Variants in PPIP5K2 observed in about 807,000 individuals in gnomAD.
PPIP5K2 encodes diphosphoinositol pentakisphosphate kinase 2.
In PPIP5K2, 105 loss-of-function variants were observed where a neutral mutation model predicts 154.6. The ratio of observed to expected loss-of-function variants is 0.68; its 90% confidence interval spans 0.58 to 0.80. PPIP5K2 has a LOEUF of 0.80. Among genes scored for constraint, PPIP5K2 ranks in the 30% least tolerant of loss-of-function variants. The pLI is 0.00. For missense variants in PPIP5K2, 992 were observed against 1,504.6 expected (o/e 0.66, Z 5.64); for synonymous variants, 480 against 490.3 (o/e 0.98, Z 0.28).
intron 21 of PPIP5K2, chr5:103,176,793 A>T: frequency 1.1e-6 from 1 of 871,190 alleles, no homozygotes; most frequent in Non-Finnish European, 1.7e-6. Flanking sequence ...AGAATTTTCT[A>T]CTTTGAATGC....
At position 103,139,682 on chromosome 5, in the gene PPIP5K2, A is replaced by T. The variant is rs77364935; in HGVS notation, c.487+1213A>T. 9.5e-3 allele frequency among the ~76,000 whole-genome samples: 1,454 copies of T among 152,312 alleles called. 13 individuals are homozygous for T. The highest frequency in any genetic ancestry group is 0.016 in the Non-Finnish European group (1,097 of 68,016). On this transcript the variant is annotated intron_variant, in intron 5 of 30. Transcript: ENST00000358359. ...AATGTGACCTCACCAAACAAACTAA[A>T]TAAGGTACCAGTTACCAATCCTGGA...
chr5:103,212,325 T>C lies in PPIP5K2; in HGVS notation c.*10691T>C, dbSNP rs1803850326. On this transcript the variant is annotated 3_prime_UTR_variant, in exon 31 of 31. Coordinates refer to ENST00000358359, the MANE Select transcript of PPIP5K2 (RefSeq NM_001276277.3). The stretch of plus-strand genomic sequence containing the variant: ...TGACTCCCGCAATAGGAAACCACAC[T>C]GAAGACATTCTCACAATTTAAAACA... 1 of 152,678 alleles carries C rather than the reference T, an allele frequency of 6.5e-6. No homozygotes were observed. The highest frequency in any genetic ancestry group is 1.5e-5 in the Non-Finnish European group (1 of 68,004). 9.5% of individuals were successfully genotyped at this position (152,678 alleles called of 1,614,324 possible).
At chr5:103,175,011 C>G (rs186676453) in intron 21 of PPIP5K2, among the ~76,000 whole-genome samples, 1 of 152,226 alleles carries the variant, frequency 6.6e-6, no homozygotes, top group African/African-American at 2.4e-5. Context: ...AGAATCTCAT[C>G]TAAATCAGTC....
intron 21 of PPIP5K2, among the ~76,000 whole-genome samples, chr5:103,175,884 A>G (rs1053291206): frequency 6.6e-6 from 1 of 152,110 alleles, no homozygotes; most frequent in Non-Finnish European, 1.5e-5. Context: ...AGGGGGAAAA[A>G]TAATTACATG....
rs147717543 is a variant in PPIP5K2 at position 103,159,214 on chromosome 5, C to T, written c.1806C>T (p.Asn602=). The T allele has an allele frequency of 2.2e-4, 351 of 1,611,030 alleles. No homozygotes were observed. Among genetic ancestry groups the T allele is most frequent in the South Asian group, 6.7e-4 (61 of 90,916 alleles). Residue 602 remains asparagine, a synonymous_variant, in exon 17 of 31, where the codon AAC becomes AAT. Coordinates refer to ENST00000358359, the MANE Select transcript of PPIP5K2 (RefSeq NM_001276277.3). ...LVQMVKSANM[N]GLLDSDSDSL... is the part of the protein sequence containing the mutation. ...AAATGGTGAAAAGTGCAAATATGAA[C>T]GGTCTTTTGGATAGTGATAGTGACT...
chr5:103,155,406 CTTTTTTTTTTTTTTTTT>C (rs70990423), intron 13 of PPIP5K2, among the ~76,000 whole-genome samples: 81 of 21,088 alleles, frequency 3.8e-3, no homozygotes, highest in Non-Finnish European at 8.5e-3. Flanking sequence ...TCAGAGTTGT[CTTTTTTTTTTTTTTTTT>C]TTTTTTTTTT....
At chr5:103,132,545 C>CA (rs1215595686) in intron 2 of PPIP5K2, among the ~76,000 whole-genome samples, 257 of 138,048 alleles carry the variant, frequency 1.9e-3, no homozygotes, top group African/African-American at 5.9e-3. Context: ...GACTTTGTCT[C>CA]AAAAAAAAAA....
At position 103,190,920 on chromosome 5, in the gene PPIP5K2, A is replaced by C; in HGVS notation, c.3431A>C (p.Asp1144Ala). The change falls in exon 29 of 31, where the codon GAT becomes GCT. Residue 1144 changes from aspartate (D) to alanine (A), a missense_variant. Physicochemically the swap from Asp to Ala is moderately radical, Grantham distance 126. Around this residue, in one of 9 missense-constraint regions of PPIP5K2, gnomAD observed 29 missense variants for 56.4 expected, o/e 0.51. Coordinates refer to ENST00000358359, the MANE Select transcript of PPIP5K2 (RefSeq NM_001276277.3). ...LHNALSLKQVDEFLASIASPS... is the reference protein window; with the variant it reads ...LHNALSLKQVAEFLASIASPS... The stretch of plus-strand genomic sequence containing the variant: ...AATGCCCTATCTTTAAAGCAAGTGG[A>C]TGAATTTCTTGCTTCCATTGCTTCT... The C allele has an allele frequency of 6.2e-7, 1 of 1,609,928 alleles. No individual in the cohort carries two copies. Among genetic ancestry groups the C allele is most frequent in the Non-Finnish European group, 8.5e-7 (1 of 1,177,688 alleles).
chr5:103,159,002 TA>T, intron 16 of PPIP5K2, 143 bp from the exon 17 acceptor site: 1 of 630,948 alleles, frequency 1.6e-6, no homozygotes, highest in Non-Finnish European at 2.4e-6. Context: ...AGTAAAACTC[TA>T]AAATGACAAT....
At chr5:103,159,462 T>A in intron 17 of PPIP5K2, 134 bp downstream of exon 17, 1 of 803,178 alleles carries the variant, frequency 1.2e-6, no homozygotes, top group African/African-American at 1.8e-5. Context: ...GGTAAAGAAA[T>A]AGAACATTGG....
chr5:103,148,992 G>A (rs553341040), intron 7 of PPIP5K2, among the ~76,000 whole-genome samples, 160 bp from the exon 8 acceptor site: 7 of 152,158 alleles, frequency 4.6e-5, no homozygotes, highest in South Asian at 2.1e-4. Flanking sequence ...CTTTCCCAAT[G>A]AACTGAAAAT....
intron 5 of PPIP5K2, among the ~76,000 whole-genome samples, chr5:103,143,514 G>T (rs1020273188): frequency 3.3e-5 from 5 of 152,196 alleles, no homozygotes; most frequent in African/African-American, 1.2e-4. Flanking sequence ...GGTCAGGAAG[G>T]AAGGAAGGGA....
Position 103,173,185 on chromosome 5 carries a change from G to A in PPIP5K2, c.2317G>A (p.Glu773Lys), listed in dbSNP as rs782549377. The A allele has an allele frequency of 6.2e-7, 1 of 1,608,518 alleles. No individual in the cohort carries two copies. Among genetic ancestry groups the A allele is most frequent in the South Asian group, 1.1e-5 (1 of 90,320 alleles). ...EYGITKAEKL[E>K]IAKGYCTPLV... ...TGGTATAACTAAAGCTGAAAAACTGGAGATTGCCAAAGGCTACTGTACTCC... is the reference window on the plus strand; with the variant it reads ...TGGTATAACTAAAGCTGAAAAACTGAAGATTGCCAAAGGCTACTGTACTCC... The change falls in exon 20 of 31, where the codon GAG becomes AAG. Residue 773 changes from glutamate to lysine, a missense_variant. This residue lies in a region of PPIP5K2 where 157 missense variants were observed against 281.2 expected (regional missense o/e 0.56). Coordinates refer to ENST00000358359, the MANE Select transcript of PPIP5K2 (RefSeq NM_001276277.3).
chr5:103,167,966 A>G, intron 18 of PPIP5K2, 106 bp from the exon 19 acceptor site: 1 of 677,608 alleles, frequency 1.5e-6, no homozygotes, highest in East Asian at 3.0e-5. Context: ...AACTTCATAC[A>G]GTTGTATTTT....
chr5:103,168,354 T>G (rs1797455440), intron 19 of PPIP5K2, 59 bp downstream of exon 19: 1 of 1,325,100 alleles, frequency 7.5e-7, no homozygotes, highest in Admixed American at 2.1e-5. Context: ...TTAAAATGTC[T>G]GTTGGTGGAT....
At position 103,205,661 on chromosome 5, in the gene PPIP5K2, T is replaced by C. The variant is rs1803476547; in HGVS notation, c.*4027T>C. On this transcript the variant is annotated 3_prime_UTR_variant, in exon 31 of 31. Coordinates refer to ENST00000358359, the MANE Select transcript of PPIP5K2 (RefSeq NM_001276277.3). ...CTTTTCGCTTAGGGATCACTGTCAATTTCTCCTTTTATTATCAATGGTTTT... is the reference window on the plus strand; with the variant it reads ...CTTTTCGCTTAGGGATCACTGTCAACTTCTCCTTTTATTATCAATGGTTTT... 1 of 152,214 alleles carries C rather than the reference T, an allele frequency of 6.6e-6. No homozygotes were observed. Among genetic ancestry groups the C allele is most frequent in the South Asian group, 2.1e-4 (1 of 4,836 alleles). The allele number at this position is 152,214 out of a possible 1,614,324, so 9.4% of individuals were successfully genotyped here.
chr5:103,147,040 A>G (rs983139093), intron 6 of PPIP5K2, among the ~76,000 whole-genome samples: 3 of 151,940 alleles, frequency 2.0e-5, no homozygotes, highest in African/African-American at 4.8e-5. Flanking sequence ...CTTTACGTAC[A>G]TGAAAGTATA....
At chr5:103,165,553 C>A (rs1400709477) in intron 17 of PPIP5K2, among the ~76,000 whole-genome samples, 2 of 151,978 alleles carry the variant, frequency 1.3e-5, no homozygotes, top group African/African-American at 4.8e-5. Flanking sequence ...TTGAAGAGAG[C>A]CCCTGCGAGG....
Position 103,187,298 on chromosome 5 carries a change from T to C in PPIP5K2, c.3290-16T>C. Reference sequence around the variant, plus strand: ...AGCTGTTACGAATTTCAGGTACCTGTTTTTCTCTTTCTTAGACGCCACACG... The same window carrying C: ...AGCTGTTACGAATTTCAGGTACCTGCTTTTCTCTTTCTTAGACGCCACACG... On this transcript the variant is annotated splice_polypyrimidine_tract_variant and intron_variant, in intron 27 of 30. Coordinates refer to ENST00000358359, the MANE Select transcript of PPIP5K2 (RefSeq NM_001276277.3). 6.5e-7 allele frequency: 1 copy of C among 1,530,472 alleles called. No individual in the cohort carries two copies. Among genetic ancestry groups the C allele is most frequent in the Non-Finnish European group, 8.7e-7 (1 of 1,142,946 alleles). 94.8% of individuals were successfully genotyped at this position (1,530,472 alleles called of 1,614,324 possible).
Sources: gnomAD v4.1 joint callset for allele counts (sites outside exome capture counted in the v4.1 genomes callset) on GRCh38, gnomAD v4.1.1 for gene constraint, gnomAD v4.1.1 regional missense constraint, MANE v1.5 for transcripts, NCBI Gene and HGNC (gene_info 2026-07-23, HGNC 2026-07-21) for gene names.